WLS: variants seen among roughly 807,000 people sequenced by gnomAD.
WLS encodes the protein Wnt ligand secretion mediator.
Under a neutral mutation model 62.8 loss-of-function variants are expected in WLS, and 23 were observed. That is an observed-to-expected ratio of 0.37 (90% confidence interval 0.26 to 0.52). The LOEUF is 0.52. Among genes scored for constraint, WLS ranks in the 20% least tolerant of loss-of-function variants. The pLI is 0.92. For synonymous variants in WLS, 246 were observed against 244.1 expected, an observed-to-expected ratio of 1.01 and a Z score of -0.07; for missense variants, 615 against 697.3, an observed-to-expected ratio of 0.88 and a Z score of 1.33.
intron 1 of WLS, among the ~76,000 whole-genome samples, chr1:68,196,888 TA>T (rs1293508208): frequency 6.6e-6 from 1 of 152,178 alleles, no homozygotes; most frequent in Admixed American, 6.5e-5. Context: ...CTGACTCAGC[TA>T]AATAGCCCAC....
At chr1:68,138,100 T>C in intron 10 of WLS, 167 bp from the exon 11 acceptor site, 1 of 823,144 alleles carries the variant, frequency 1.2e-6, no homozygotes. Flanking sequence ...TCGGTGTAAA[T>C]TAAGGTCAAC....
chr1:68,118,876 A>C (rs866767007), intron 11 of WLS, among the ~76,000 whole-genome samples: 7 of 76,318 alleles, frequency 9.2e-5, no homozygotes, highest in African/African-American at 3.5e-4. Flanking sequence ...ACTCTGTCTC[A>C]AAAAAAAAAA....
Position 68,101,733 on chromosome 1 carries a change from G to A in WLS, c.1511-2980C>T, listed in dbSNP as rs1215361655. On this transcript the variant is annotated intron_variant, in intron 11 of 11. Transcript: ENST00000354777. ...TCTAGAAACTTCATGAATTGGGGGT[G>A]AGTCTCCCAATGGTGAAAGTTCAGG... 1.7e-4 allele frequency among the ~76,000 whole-genome samples: 26 copies of A among 152,336 alleles called. 1 individual carries two copies. In the East Asian group the frequency reaches 3.7e-3, roughly 21 times the overall value.
chr1:68,168,973 G>A (rs1647105279), intron 2 of WLS, among the ~76,000 whole-genome samples: 1 of 152,214 alleles, frequency 6.6e-6, no homozygotes, highest in South Asian at 2.1e-4. Flanking sequence ...TTCTTAAGAT[G>A]CCCTACAGGC....
intron 1 of WLS, among the ~76,000 whole-genome samples, chr1:68,228,652 AG>A (rs1650266276): frequency 6.6e-6 from 1 of 151,972 alleles, no homozygotes; most frequent in Non-Finnish European, 1.5e-5. Flanking sequence ...CTAAATATTT[AG>A]AATGTATTTA....
chr1:68,142,963 T>C (rs1156495251), intron 10 of WLS: 1 of 152,238 alleles, frequency 6.6e-6, no homozygotes, highest in Non-Finnish European at 1.5e-5. Context: ...TTAGTACTAC[T>C]GTGATTTTCT....
chr1:68,163,843 C>G, intron 2 of WLS, among the ~76,000 whole-genome samples: 1 of 152,170 alleles, frequency 6.6e-6, no homozygotes, highest in East Asian at 1.9e-4. Flanking sequence ...CTGCATGCTG[C>G]CTCATATGCA....
At chr1:68,122,540 G>GT (rs1313277484), downstream of WLS, among the ~76,000 whole-genome samples, 1 of 150,622 alleles carries the variant, frequency 6.6e-6, no homozygotes, top group Non-Finnish European at 1.5e-5. Context: ...TTATTTGTTT[G>GT]TTGTAAGTAT....
At chr1:68,224,776 G>T (rs940617743) in intron 1 of WLS, among the ~76,000 whole-genome samples, 2 of 152,096 alleles carry the variant, frequency 1.3e-5, no homozygotes, top group Non-Finnish European at 2.9e-5. Context: ...AAACGAAAAG[G>T]TGGGGGGGAT....
At chr1:68,232,094 A>G (rs916645420) in intron 1 of WLS, 100 bp downstream of exon 1, 2 of 1,502,674 alleles carry the variant, frequency 1.3e-6, no homozygotes, top group Non-Finnish European at 1.8e-6. Flanking sequence ...TAGATCATAG[A>G]AGCAAGGCAG....
At chr1:68,156,768 T>A (rs1646905667) in intron 3 of WLS, among the ~76,000 whole-genome samples, 1 of 152,134 alleles carries the variant, frequency 6.6e-6, no homozygotes, top group African/African-American at 2.4e-5. Flanking sequence ...ATCATCTTTC[T>A]CTCCCCTCCA....
Position 68,227,189 on chromosome 1 carries a change from T to A in WLS, c.106+5005A>T, listed in dbSNP as rs112231778. Among the ~76,000 whole-genome samples, 490 of 151,600 alleles carry A rather than the reference T, an allele frequency of 3.2e-3. 7 individuals are homozygous for A. Among genetic ancestry groups the A allele is most frequent in the African/African-American group, 0.012 (477 of 41,268 alleles). ...CAGGTGGATCTCCTGAGGCCAGGAG[T>A]TTGAGACCAGCCCGGCCAACCCGGT... is the stretch of plus-strand genomic sequence containing the variant. On this transcript the variant is annotated intron_variant, in intron 1 of 11. Transcript: ENST00000262348.
chr1:68,199,615 T>G (rs1418980740), intron 1 of WLS, among the ~76,000 whole-genome samples: 1 of 152,226 alleles, frequency 6.6e-6, no homozygotes, highest in African/African-American at 2.4e-5. Flanking sequence ...CTCTTATCTC[T>G]GTGTCCACCC....
chr1:68,158,362 A>C (rs923013877), intron 3 of WLS, among the ~76,000 whole-genome samples: 2 of 152,192 alleles, frequency 1.3e-5, no homozygotes, highest in Non-Finnish European at 2.9e-5. Flanking sequence ...AGGTTTACCC[A>C]TGGAGGGCCT....
chr1:68,195,349 T>G (rs748307234), intron 1 of WLS, among the ~76,000 whole-genome samples: 1 of 152,216 alleles, frequency 6.6e-6, no homozygotes, highest in Admixed American at 6.5e-5. Context: ...ATCGGTTTTA[T>G]CATCTCTTAG....
Position 68,125,582 on chromosome 1 carries a change from A to G in WLS, c.*644T>C. 1.0e-6 allele frequency: 1 copy of G among 985,476 alleles called. No homozygotes were observed. Among genetic ancestry groups the G allele is most frequent in the Non-Finnish European group, 1.2e-6 (1 of 829,936 alleles). The allele number at this position is 985,476 out of a possible 1,614,324, so 61.0% of individuals were successfully genotyped here. On this transcript the variant is annotated 3_prime_UTR_variant, in exon 12 of 12. Coordinates refer to ENST00000262348, the MANE Select transcript of WLS (RefSeq NM_024911.7). ...ACATTTTTTAAAACCCACATCCAACAGATTGGTTAGTATTAGATACACAGA... is the reference window on the plus strand; with the variant it reads ...ACATTTTTTAAAACCCACATCCAACGGATTGGTTAGTATTAGATACACAGA...
rs148595252 is a variant in WLS, at chr1:68,169,995, A to G, written c.380-10748T>C. Among the ~76,000 whole-genome samples, 24 of 152,202 alleles carry G rather than the reference A, an allele frequency of 1.6e-4. No homozygotes were observed. In the East Asian group the frequency reaches 4.6e-3, roughly 29 times the overall value. Reference sequence around the variant, plus strand: ...AGCCCACCTTAGCTACTTGGTGCCTATGCAATGTTGGGAGTCACTAAATGT... The same window carrying G: ...AGCCCACCTTAGCTACTTGGTGCCTGTGCAATGTTGGGAGTCACTAAATGT... On this transcript the variant is annotated intron_variant, in intron 2 of 11. Transcript: ENST00000262348.
chr1:68,224,468 C>A (rs1209521695), intron 1 of WLS, among the ~76,000 whole-genome samples: 1 of 152,204 alleles, frequency 6.6e-6, no homozygotes, highest in African/African-American at 2.4e-5. Context: ...TCAGGACCTA[C>A]GATGTATGCT....
chr1:68,168,267 G>C (rs770931748), intron 2 of WLS, among the ~76,000 whole-genome samples: 2 of 148,876 alleles, frequency 1.3e-5, no homozygotes, highest in African/African-American at 5.0e-5. Flanking sequence ...ACATCAGAAT[G>C]CTTGTCACCT....
Sources: gnomAD v4.1 joint callset for allele counts (sites outside exome capture counted in the v4.1 genomes callset) on GRCh38, gnomAD v4.1.1 for gene constraint, MANE v1.5 for transcripts, NCBI Gene and HGNC (gene_info 2026-07-23, HGNC 2026-07-21) for gene names.